The following CAMKMT variants were observed in gnomAD, a reference collection of about 807,000 sequenced individuals.
The protein encoded by CAMKMT is calmodulin-lysine N-methyltransferase, also known as CaM KMT.
CAMKMT carries 53 observed loss-of-function variants against 48.0 expected under a neutral mutation model. The ratio of observed to expected loss-of-function variants is 1.10; its 90% confidence interval spans 0.89 to 1.39. The LOEUF (loss-of-function observed/expected upper bound fraction) is 1.39. CAMKMT is among the 40% of genes most tolerant of loss of function. The probability of loss-of-function intolerance (pLI) is 0.00; values close to 1 mark genes in which losing one functional copy is unlikely to be tolerated. For synonymous variants in CAMKMT, 165 were observed against 152.3 expected (o/e 1.08, Z -0.61); for missense variants, 428 against 402.7 (o/e 1.06, Z -0.54).
At chr2:44,498,063 G>A (rs1387954032) in intron 3 of CAMKMT, among the ~76,000 whole-genome samples, 2 of 152,190 alleles carry the variant, frequency 1.3e-5, no homozygotes, top group African/African-American at 4.8e-5. Context: ...TTGTACAAGA[G>A]TTTGATGCTT....
intron 3 of CAMKMT, among the ~76,000 whole-genome samples, chr2:44,406,887 C>T (rs149808543): frequency 1.3e-5 from 2 of 152,336 alleles, no homozygotes; most frequent in East Asian, 1.9e-4. Context: ...GGATTACAGG[C>T]GTGAGCCATT....
intron 3 of CAMKMT, among the ~76,000 whole-genome samples, chr2:44,690,206 G>C (rs1036350084): frequency 6.6e-6 from 1 of 152,158 alleles, no homozygotes; most frequent in Non-Finnish European, 1.5e-5. Context: ...AATGTCACAG[G>C]CTAGAGCCCA....
chr2:44,459,668 C>A (rs1667751013), intron 3 of CAMKMT, among the ~76,000 whole-genome samples: 1 of 152,176 alleles, frequency 6.6e-6, no homozygotes, highest in African/African-American at 2.4e-5. Flanking sequence ...CCCATATCCC[C>A]CGCAATAGGC....
intron 3 of CAMKMT, among the ~76,000 whole-genome samples, chr2:44,520,612 A>G (rs888259735): frequency 6.6e-5 from 10 of 152,222 alleles, no homozygotes; most frequent in African/African-American, 2.4e-4. Context: ...ACTTAGAGTC[A>G]GAGAATATGA....
intron 7 of CAMKMT, among the ~76,000 whole-genome samples, chr2:44,742,966 A>C (rs921173138): frequency 1.3e-5 from 2 of 152,234 alleles, no homozygotes; most frequent in Non-Finnish European, 2.9e-5. Context: ...ACAGTTATTA[A>C]TTGAGAGTAA....
chr2:44,401,425 C>T (rs921672877), intron 3 of CAMKMT, among the ~76,000 whole-genome samples: 9 of 152,028 alleles, frequency 5.9e-5, no homozygotes, highest in East Asian at 1.9e-4. Context: ...GGCATGGTGG[C>T]GGACGCCTGT....
intron 3 of CAMKMT, among the ~76,000 whole-genome samples, chr2:44,415,145 G>A (rs1459994596): frequency 6.6e-6 from 1 of 151,974 alleles, no homozygotes. Context: ...GTGAGACTCC[G>A]TCTCGGAAAA....
At chr2:44,683,061 A>G (rs1676114147) in intron 3 of CAMKMT, among the ~76,000 whole-genome samples, 2 of 152,184 alleles carry the variant, frequency 1.3e-5, no homozygotes, top group Admixed American at 1.3e-4. Flanking sequence ...CACTATTTCT[A>G]AAGATTTTAT....
At position 44,772,060 on chromosome 2, in the gene CAMKMT, T is replaced by C. The variant is rs1681139446; in HGVS notation, c.919T>C (p.Tyr307His). Reference protein sequence around the residue: ...SKLKKENPDIYEENLHYPLLL... With the variant: ...SKLKKENPDIHEENLHYPLLL... ...GTTGAAAAAGGAAAACCCGGACATA[T>C]ATGAAGAAAACCTTCATTACCCGCT... is the stretch of plus-strand genomic sequence containing the variant. The change falls in exon 11 of 11, where the codon TAT (tyrosine) becomes CAT (histidine). Residue 307 changes from tyrosine to histidine, a missense_variant. Coordinates refer to ENST00000378494, the MANE Select transcript of CAMKMT (RefSeq NM_024766.5). 2 of 1,613,668 alleles carry C rather than the reference T, an allele frequency of 1.2e-6. No individual in the cohort carries two copies. Among genetic ancestry groups the C allele is most frequent in the African/African-American group, 2.7e-5 (2 of 74,940 alleles).
At position 44,653,248 on chromosome 2, in the gene CAMKMT, C is replaced by A. The variant is rs115465443; in HGVS notation, c.377-51035C>A. On this transcript the variant is annotated intron_variant, in intron 3 of 10. Transcript: ENST00000378494. The surrounding 1 kb of genome is among the most constrained non-coding windows in gnomAD (Gnocchi z 5.2). The stretch of plus-strand genomic sequence containing the variant: ...GCTTTTAATATCCTCTTCAACTGGC[C>A]CAGAGAGCTCCTCTTCACAAGGCAG... Among the ~76,000 whole-genome samples the A allele has an allele frequency of 3.2e-3, 492 of 152,180 alleles. 1 individual carries two copies. The highest frequency in any genetic ancestry group is 0.011 in the African/African-American group (476 of 41,522).
chr2:44,477,097 C>A (rs10182045), intron 3 of CAMKMT, among the ~76,000 whole-genome samples: 81,812 of 151,994 alleles, frequency 0.54, 22,827 homozygotes, highest in Middle Eastern at 0.63. Flanking sequence ...ACATTGTAGG[C>A]ATGTATTACC....
chr2:44,425,240 A>G (rs1382348521), intron 3 of CAMKMT, among the ~76,000 whole-genome samples: 2 of 152,202 alleles, frequency 1.3e-5, no homozygotes, highest in Non-Finnish European at 2.9e-5. Flanking sequence ...ATAAAACATT[A>G]TCTTATCATT....
chr2:44,679,229 C>G (rs1027899285), intron 3 of CAMKMT, among the ~76,000 whole-genome samples: 1 of 152,266 alleles, frequency 6.6e-6, no homozygotes, highest in East Asian at 1.9e-4. Context: ...TGCCTATTCT[C>G]TTTTGTCCCT....
intron 3 of CAMKMT, among the ~76,000 whole-genome samples, chr2:44,693,041 C>G (rs1336395431): frequency 6.6e-6 from 1 of 152,208 alleles, no homozygotes; most frequent in East Asian, 1.9e-4. Context: ...ATCTAATTAA[C>G]TAGTAAGTCT....
At chr2:44,591,246 T>C (rs939895281) in intron 3 of CAMKMT, among the ~76,000 whole-genome samples, 1 of 152,018 alleles carries the variant, frequency 6.6e-6, no homozygotes, top group Non-Finnish European at 1.5e-5. Flanking sequence ...GGCTCTTTTT[T>C]GGTTCCATAT....
At chr2:44,510,014 A>T (rs549224987) in intron 3 of CAMKMT, among the ~76,000 whole-genome samples, 30 of 152,302 alleles carry the variant, frequency 2.0e-4, no homozygotes, top group Non-Finnish European at 3.4e-4. Flanking sequence ...ACAGTTCTCA[A>T]ATACTTTTCC....
chr2:44,410,636 A>C (rs1371564193), intron 3 of CAMKMT, among the ~76,000 whole-genome samples: 1 of 152,156 alleles, frequency 6.6e-6, no homozygotes, highest in South Asian at 2.1e-4. Context: ...TAAAGGGAAC[A>C]TATTCTAATT....
At chr2:44,461,796 T>C (rs553769237) in intron 3 of CAMKMT, among the ~76,000 whole-genome samples, 2 of 152,328 alleles carry the variant, frequency 1.3e-5, no homozygotes, top group South Asian at 4.1e-4. Flanking sequence ...ATTCCAGTGC[T>C]AGTTAGAATG....
At chr2:44,406,822 A>G (rs569147981) in intron 3 of CAMKMT, among the ~76,000 whole-genome samples, 1 of 152,294 alleles carries the variant, frequency 6.6e-6, no homozygotes, top group South Asian at 2.1e-4. Context: ...AGGCTGGTCT[A>G]GAACTCCTGG....
Sources: allele counts gnomAD v4.1 joint callset (sites outside exome capture counted in the v4.1 genomes callset), GRCh38; gene constraint gnomAD v4.1.1; non-coding constraint Gnocchi (gnomAD v3.1); transcripts MANE v1.5; gene names NCBI Gene and HGNC (gene_info 2026-07-23, HGNC 2026-07-21).